Variants in HEPACAM2 observed in about 807,000 individuals in gnomAD.
The protein encoded by HEPACAM2 is HEPACAM family member 2.
HEPACAM2 carries 49 observed loss-of-function variants against 49.6 expected under a neutral mutation model. The observed-to-expected ratio is 0.99, with a 90% CI of 0.78 to 1.25. The LOEUF (loss-of-function observed/expected upper bound fraction) is 1.25. Ranked by LOEUF, HEPACAM2 falls within the 50% of genes most tolerant of loss-of-function variation. The probability of loss-of-function intolerance (pLI) is 0.00; values close to 1 mark genes in which losing one functional copy is unlikely to be tolerated. For synonymous variants in HEPACAM2, 197 were observed against 202.9 expected (o/e 0.97, Z 0.25); for missense variants, 525 against 557.2 (o/e 0.94, Z 0.58).
chr7:93,214,851 G>A (rs940557341), intron 3 of HEPACAM2, among the ~76,000 whole-genome samples: 2 of 152,078 alleles, frequency 1.3e-5, no homozygotes, highest in African/African-American at 2.4e-5. Context: ...ATTTGCATTT[G>A]CCTATAATTG....
intron 4 of HEPACAM2, among the ~76,000 whole-genome samples, chr7:93,201,250 C>T (rs1793874850): frequency 6.6e-6 from 1 of 152,038 alleles, no homozygotes; most frequent in Non-Finnish European, 1.5e-5. Context: ...TATCTTCATA[C>T]ATAAGGTGTG....
intron 9 of HEPACAM2, among the ~76,000 whole-genome samples, chr7:93,191,577 C>A (rs1379266757): frequency 6.6e-6 from 1 of 151,922 alleles, no homozygotes. Context: ...CAGCTATAGC[C>A]CACAAAAAAG....
chr7:93,217,060 A>T (rs2116708582), intron 2 of HEPACAM2, among the ~76,000 whole-genome samples: 1 of 152,336 alleles, frequency 6.6e-6, no homozygotes, highest in African/African-American at 2.4e-5. Context: ...GGTGTAATCA[A>T]CTGGCTCATC....
At chr7:93,232,261 C>T in the HEPACAM2 span, 115 of 542,876 alleles carry the variant, frequency 2.1e-4, 1 homozygote, top group Admixed American at 3.5e-4. Context: ...GATGTAGTCC[C>T]TGGGTTGGCC....
In HEPACAM2 at chr7:93,197,160, A is replaced by G. The variant is rs1034404229; in HGVS notation, c.1201+81T>C. On this transcript the variant is annotated intron_variant, in intron 7 of 9. Coordinates refer to ENST00000394468, the MANE Select transcript of HEPACAM2 (RefSeq NM_001039372.4). ...TTTTAGCTCATATTAATTATATTAC[A>G]TTAATAATATATAATAATATTAACA... 2.7e-5 allele frequency: 25 copies of G among 909,716 alleles called. No homozygotes were observed. In the African/African-American group the frequency reaches 3.7e-4, roughly 13 times the overall value. 56.4% of individuals were successfully genotyped at this position (909,716 alleles called of 1,614,324 possible). A position where few individuals can be genotyped will look rare whatever the true frequency, so the allele number is the denominator to read the frequency against.
chr7:93,226,547 G>A, upstream of HEPACAM2: 1 of 840,652 alleles, frequency 1.2e-6, no homozygotes, highest in Non-Finnish European at 2.0e-6. Context: ...CTTGCCTCTT[G>A]CTTCTGTGAT....
chr7:93,226,854 TA>T (rs549204121), upstream of HEPACAM2, among the ~76,000 whole-genome samples: 1,862 of 152,080 alleles, frequency 0.012, 16 homozygotes, highest in Non-Finnish European at 0.019. Flanking sequence ...ATTTTAAAAT[TA>T]AAAAAAATTA....
At chr7:93,225,657 CT>C (rs1357795069) in intron 1 of HEPACAM2, among the ~76,000 whole-genome samples, 3 of 152,014 alleles carry the variant, frequency 2.0e-5, no homozygotes, top group Non-Finnish European at 4.4e-5. Context: ...ATGAGAACAT[CT>C]GGTGAAAATA....
At chr7:93,223,848 A>C (rs544837608) in intron 1 of HEPACAM2, among the ~76,000 whole-genome samples, 1 of 152,184 alleles carries the variant, frequency 6.6e-6, no homozygotes, top group Non-Finnish European at 1.5e-5. Flanking sequence ...ACCTATCAAT[A>C]TGATACAATC....
intron 4 of HEPACAM2, among the ~76,000 whole-genome samples, chr7:93,205,267 C>G (rs1457965636): frequency 6.6e-6 from 1 of 152,024 alleles, no homozygotes; most frequent in Admixed American, 6.6e-5. Flanking sequence ...GGAAAGTCAC[C>G]ATTTGCTGTA....
intron 7 of HEPACAM2, among the ~76,000 whole-genome samples, chr7:93,196,877 A>T (rs1286650256): frequency 6.6e-6 from 1 of 152,172 alleles, no homozygotes; most frequent in Admixed American, 6.6e-5. Flanking sequence ...TTAGGAATGA[A>T]CAAAGTGATA....
upstream of HEPACAM2, among the ~76,000 whole-genome samples, chr7:93,228,253 T>C (rs748121417): frequency 2.0e-5 from 3 of 152,214 alleles, no homozygotes; most frequent in Non-Finnish European, 1.5e-5. Context: ...AGATTTTCTT[T>C]GTTGTATTTG....
chr7:93,211,030 A>G (rs1794166148), intron 3 of HEPACAM2, among the ~76,000 whole-genome samples: 1 of 152,014 alleles, frequency 6.6e-6, no homozygotes, highest in Non-Finnish European at 1.5e-5. Context: ...TGGCAAACCA[A>G]TCCCAAGTTT....
At chr7:93,191,152 A>G (rs911750469) in intron 9 of HEPACAM2, among the ~76,000 whole-genome samples, 1 of 152,054 alleles carries the variant, frequency 6.6e-6, no homozygotes, top group East Asian at 1.9e-4. Context: ...TTCTTAAAAT[A>G]TCATGTAATA....
intron 3 of HEPACAM2, among the ~76,000 whole-genome samples, chr7:93,213,618 A>G (rs1794233378): frequency 6.6e-6 from 1 of 152,090 alleles, no homozygotes; most frequent in South Asian, 2.1e-4. Context: ...AGTTCAAGAA[A>G]CTTTATTGAT....
At chr7:93,225,448 A>C (rs1016058418) in intron 1 of HEPACAM2, among the ~76,000 whole-genome samples, 3 of 152,150 alleles carry the variant, frequency 2.0e-5, no homozygotes, top group African/African-American at 7.2e-5. Flanking sequence ...AATAACATTT[A>C]CAATGCAAAC....
the HEPACAM2 span, among the ~76,000 whole-genome samples, chr7:93,231,757 G>C: frequency 1.3e-5 from 2 of 152,188 alleles, no homozygotes; most frequent in South Asian, 2.1e-4. Flanking sequence ...TTTAGAGTAC[G>C]GAGGTAAAAT....
chr7:93,198,577 A>T (rs1793794784), intron 4 of HEPACAM2, among the ~76,000 whole-genome samples: 1 of 152,154 alleles, frequency 6.6e-6, no homozygotes, highest in African/African-American at 2.4e-5. Flanking sequence ...AAGTAGTTTT[A>T]ACCTCCAACA....
Position 93,215,476 on chromosome 7 carries a change from T to C in HEPACAM2, c.640A>G (p.Ile214Val). 2 of 1,613,900 alleles carry C rather than the reference T, an allele frequency of 1.2e-6. No homozygotes were observed. Among genetic ancestry groups the C allele is most frequent in the African/African-American group, 1.3e-5 (1 of 75,042 alleles). The change falls in exon 3 of 10, where the codon ATT becomes GTT. Residue 214 changes from isoleucine (I) to valine (V), a missense_variant. By Grantham distance (29) the Ile-to-Val change is conservative. Coordinates refer to ENST00000394468, the MANE Select transcript of HEPACAM2 (RefSeq NM_001039372.4). ...CTCACCAGGCAGCTGTAATTCCCAA[T>C]GTCTTCCTTGGTTACTGGAGCAATA... Reference protein sequence around the residue: ...LHIAPVTKEDIGNYSCLVRNP... With the variant: ...LHIAPVTKEDVGNYSCLVRNP...
Sources: gnomAD v4.1 joint callset for allele counts (sites outside exome capture counted in the v4.1 genomes callset) on GRCh38, gnomAD v4.1.1 for gene constraint, MANE v1.5 for transcripts, NCBI Gene and HGNC (gene_info 2026-07-23, HGNC 2026-07-21) for gene names.